Variants in BLOC1S5 observed in about 807,000 individuals in gnomAD.
The protein encoded by BLOC1S5 is biogenesis of lysosome-related organelles complex 1 subunit 5.
BLOC1S5 carries 27 observed loss-of-function variants against 24.3 expected under a neutral mutation model. That is an observed-to-expected ratio of 1.11 (90% confidence interval 0.82 to 1.53). BLOC1S5 has a LOEUF of 1.53. Among genes scored for constraint, BLOC1S5 ranks in the 40% most tolerant of loss-of-function variants. The pLI, the probability that BLOC1S5 is intolerant of heterozygous loss-of-function variation, is 0.00. For synonymous variants in BLOC1S5, 84 were observed against 74.5 expected (o/e 1.13, Z -0.66); for missense variants, 239 against 229.4 (o/e 1.04, Z -0.27).
chr6:8,038,882 A>G (rs1251668837), intron 3 of BLOC1S5, among the ~76,000 whole-genome samples: 1 of 152,252 alleles, frequency 6.6e-6, no homozygotes, highest in African/African-American at 2.4e-5. Context: ...ATAAATTAGT[A>G]CAACCACTAT....
At chr6:8,026,337 A>C in intron 4 of BLOC1S5, 30 bp downstream of exon 4, 1 of 1,520,116 alleles carries the variant, frequency 6.6e-7, no homozygotes, top group Non-Finnish European at 9.1e-7. Flanking sequence ...TGCAAGAATT[A>C]TATGCCTCAT....
chr6:8,041,655 C>CTTCTTTTTTTTT (rs1763691511), intron 2 of BLOC1S5, among the ~76,000 whole-genome samples: 1 of 111,870 alleles, frequency 8.9e-6, no homozygotes, highest in East Asian at 3.0e-4. Context: ...TTCTTTCTTT[C>CTTCTTTTTTTTT]TTTTTTTTTG....
At chr6:8,048,742 G>C (rs143965501) in intron 2 of BLOC1S5, among the ~76,000 whole-genome samples, 2,946 of 152,280 alleles carry the variant, frequency 0.019, 91 homozygotes, top group African/African-American at 0.067. Flanking sequence ...GCTGGGCACG[G>C]TGGCTCACGC....
rs141241058 is a variant in BLOC1S5 at position 8,052,751 on chromosome 6, C to T, written c.195+9783G>A. On this transcript the variant is annotated intron_variant, in intron 2 of 4. Coordinates refer to ENST00000397457, the MANE Select transcript of BLOC1S5 (RefSeq NM_201280.3). ...ACTAAAAAAACACAAAAAAATTAGC[C>T]GGGCACAGTGGCGGGTGCCTGTAGT... Among the ~76,000 whole-genome samples the T allele has an allele frequency of 5.7e-3, 870 of 152,110 alleles. 7 individuals carry two copies. The highest frequency in any genetic ancestry group is 0.02 in the African/African-American group (826 of 41,488).
rs1425127476 is a variant in BLOC1S5 at position 8,013,919 on chromosome 6, C to CA, written c.*1729dup. On this transcript the variant is annotated 3_prime_UTR_variant, in exon 5 of 5. Transcript: ENST00000397457. Reference sequence around the variant, plus strand: ...ATGATTGATGAGCCTGTCAAGCCTACAGTAGCGGATAGAGAAAGTTGGCAG... The same window carrying CA: ...ATGATTGATGAGCCTGTCAAGCCTACAAGTAGCGGATAGAGAAAGTTGGCAG... 4 of 152,164 alleles carry CA rather than the reference C, an allele frequency of 2.6e-5. No homozygotes were observed. The highest frequency in any genetic ancestry group is 9.7e-5 in the African/African-American group (4 of 41,428). The allele number at this position is 152,164 out of a possible 1,614,324, so 9.4% of individuals were successfully genotyped here.
chr6:8,064,161 C>T, intron 1 of BLOC1S5, 104 bp downstream of exon 1: 2 of 958,136 alleles, frequency 2.1e-6, no homozygotes, highest in Non-Finnish European at 3.0e-6. Flanking sequence ...CAAACGCACG[C>T]GCGCCAGCCC....
chr6:8,062,462 G>A, intron 2 of BLOC1S5, 72 bp downstream of exon 2: 1 of 912,758 alleles, frequency 1.1e-6, no homozygotes, highest in Non-Finnish European at 1.6e-6. Context: ...TAAAACTGGG[G>A]AATTTCTCTT....
chr6:8,017,541 G>C (rs1043021753), intron 4 of BLOC1S5, among the ~76,000 whole-genome samples: 1 of 152,208 alleles, frequency 6.6e-6, no homozygotes, highest in East Asian at 1.9e-4. Flanking sequence ...CTAGGAAAAA[G>C]AGACCATCTT....
At chr6:8,046,922 ACAC>A (rs1022948913) in intron 2 of BLOC1S5, among the ~76,000 whole-genome samples, 1 of 150,816 alleles carries the variant, frequency 6.6e-6, no homozygotes, top group African/African-American at 2.5e-5. Flanking sequence ...GGACAGGTGC[ACAC>A]CACCACACCT....
chr6:8,063,003 T>C (rs1027957031), intron 1 of BLOC1S5, among the ~76,000 whole-genome samples: 10 of 151,906 alleles, frequency 6.6e-5, no homozygotes, highest in African/African-American at 2.4e-4. Flanking sequence ...TAAAAATAAA[T>C]ACATCAGAGT....
intron 4 of BLOC1S5, among the ~76,000 whole-genome samples, chr6:8,018,683 T>A (rs78565389): frequency 6.6e-6 from 1 of 152,134 alleles, no homozygotes; most frequent in Admixed American, 6.5e-5. Flanking sequence ...ATAAATAATA[T>A]TTATAAAGAC....
intron 4 of BLOC1S5, among the ~76,000 whole-genome samples, chr6:8,017,301 C>G (rs1419470600): frequency 1.3e-5 from 2 of 152,050 alleles, no homozygotes; most frequent in African/African-American, 4.8e-5. Flanking sequence ...TTGCTTGAAC[C>G]TGAGAGGCGG....
At chr6:8,049,597 C>CCTAT (rs1764036698) in intron 2 of BLOC1S5, among the ~76,000 whole-genome samples, 1 of 152,062 alleles carries the variant, frequency 6.6e-6, no homozygotes, top group South Asian at 2.1e-4. Flanking sequence ...TCCTTTGCAC[C>CCTAT]CTATCTCCTC....
intron 4 of BLOC1S5, among the ~76,000 whole-genome samples, chr6:8,019,776 T>C (rs138108134): frequency 6.6e-6 from 1 of 152,308 alleles, no homozygotes; most frequent in African/African-American, 2.4e-5. Flanking sequence ...TTACAAATAC[T>C]GCACATGAAA....
At chr6:8,045,038 G>C (rs1388022482) in intron 2 of BLOC1S5, among the ~76,000 whole-genome samples, 1 of 152,222 alleles carries the variant, frequency 6.6e-6, no homozygotes, top group Non-Finnish European at 1.5e-5. Flanking sequence ...TCCAGAGCAT[G>C]TCAGAGGTCT....
intron 2 of BLOC1S5, among the ~76,000 whole-genome samples, chr6:8,049,831 C>G (rs1442150026): frequency 2.6e-5 from 4 of 152,050 alleles, no homozygotes; most frequent in Non-Finnish European, 5.9e-5. Context: ...CCCGCCTCAG[C>G]CCCCAAGTAG....
chr6:8,029,461 CAGG>C (rs1004680459), intron 3 of BLOC1S5, among the ~76,000 whole-genome samples: 27 of 152,312 alleles, frequency 1.8e-4, no homozygotes, highest in African/African-American at 6.0e-4. Flanking sequence ...GGCTCCCTGG[CAGG>C]AGAAGTGTCC....
chr6:8,013,952 G>A lies in BLOC1S5; in HGVS notation c.*1697C>T, dbSNP rs1242610487. The A allele has an allele frequency of 6.6e-6, 1 of 152,108 alleles. No individual in the cohort carries two copies. Among genetic ancestry groups the A allele is most frequent in the Non-Finnish European group, 1.5e-5 (1 of 68,012 alleles). 9.4% of individuals were successfully genotyped at this position (152,108 alleles called of 1,614,324 possible). The stretch of plus-strand genomic sequence containing the variant: ...GATAGAGAAAGTTGGCAGAAGTTCA[G>A]TGTTATTGAAAAAAATCTCAAATAC... On this transcript the variant is annotated 3_prime_UTR_variant, in exon 5 of 5. Coordinates refer to ENST00000397457, the MANE Select transcript of BLOC1S5 (RefSeq NM_201280.3).
chr6:8,052,916 G>C (rs569934428), intron 2 of BLOC1S5, among the ~76,000 whole-genome samples: 1 of 151,680 alleles, frequency 6.6e-6, no homozygotes, highest in Non-Finnish European at 1.5e-5. Context: ...AAAAGAAGTG[G>C]AGCCTGAAGA....
Sources: gnomAD v4.1 joint callset for allele counts (sites outside exome capture counted in the v4.1 genomes callset) on GRCh38, gnomAD v4.1.1 for gene constraint, MANE v1.5 for transcripts, NCBI Gene and HGNC (gene_info 2026-07-23, HGNC 2026-07-21) for gene names.